DISC1: variants seen among roughly 807,000 people sequenced by gnomAD.
DISC1 encodes the protein DISC1 scaffold protein.
Under a neutral mutation model 84.5 loss-of-function variants are expected in DISC1, and 57 were observed. That is an observed-to-expected ratio of 0.67 (90% CI 0.55 to 0.84). The LOEUF (loss-of-function observed/expected upper bound fraction) is 0.84. Ranked by LOEUF, DISC1 falls within the 40% of genes least tolerant of loss-of-function variation. The probability of loss-of-function intolerance (pLI) is 0.00; values close to 1 mark genes in which losing one functional copy is unlikely to be tolerated. For missense variants in DISC1, 1,000 were observed against 1,057.8 expected (o/e 0.95, Z 0.76); for synonymous variants, 411 against 415.2 (o/e 0.99, Z 0.12).
At chr1:231,702,459 T>C in intron 3 of DISC1, 1 of 987,212 alleles carries the variant, frequency 1.0e-6, no homozygotes, top group Non-Finnish European at 1.2e-6. Flanking sequence ...CATGGGGCTC[T>C]CTGACTTCAT....
At chr1:231,912,742 CTTCTTTCTTTCT>C (rs72513675) in intron 9 of DISC1, among the ~76,000 whole-genome samples, 26,016 of 132,120 alleles carry the variant, frequency 0.2, 2,496 homozygotes, top group African/African-American at 0.22. Context: ...GCAGCTTGCT[CTTCTTTCTTTCT>C]TTCTTTCTTT....
intron 8 of DISC1, among the ~76,000 whole-genome samples, chr1:231,804,466 T>TC (rs1180708827): frequency 6.6e-6 from 1 of 152,024 alleles, no homozygotes; most frequent in African/African-American, 2.4e-5. Flanking sequence ...CTTCCTTTTT[T>TC]TTTTTTTTTG....
chr1:231,735,430 G>T (rs2072354259), intron 3 of DISC1, among the ~76,000 whole-genome samples: 1 of 152,138 alleles, frequency 6.6e-6, no homozygotes, highest in Non-Finnish European at 1.5e-5. Context: ...GGTGGACGTG[G>T]TGGAAAATGA....
chr1:231,639,008 C>T (rs1286419005), intron 1 of DISC1, among the ~76,000 whole-genome samples: 1 of 152,160 alleles, frequency 6.6e-6, no homozygotes, highest in African/African-American at 2.4e-5. Context: ...TAAAGACTTA[C>T]TGAATTGGGT....
intron 9 of DISC1, chr1:231,819,021 G>T (rs2081293973): frequency 4.0e-6 from 4 of 993,918 alleles, no homozygotes; most frequent in Non-Finnish European, 4.8e-6. Flanking sequence ...CAAAGTGTCT[G>T]CTTGTCAGAG....
At chr1:231,953,732 A>G (rs1165739027) in intron 9 of DISC1, among the ~76,000 whole-genome samples, 1 of 152,182 alleles carries the variant, frequency 6.6e-6, no homozygotes, top group African/African-American at 2.4e-5. Context: ...TAATTTAGAA[A>G]ATTCCAATAA....
At position 231,694,106 on chromosome 1, in the gene DISC1, G is replaced by A. The variant is rs189101828; in HGVS notation, c.348G>A (p.Ala116=). 249 of 1,614,166 alleles carry A rather than the reference G, an allele frequency of 1.5e-4. No individual in the cohort carries two copies. Among genetic ancestry groups the A allele is most frequent in the Non-Finnish European group, 2.0e-4 (231 of 1,180,024 alleles). Residue 116 remains alanine (A), a synonymous_variant, in exon 2 of 13, where the codon GCG becomes GCA. Transcript: ENST00000439617. ...TGACCTCTGTGAGAGGAACCTCGGC[G>A]CACTTTGGGATTCAGCTCAGAGGTG... is the stretch of plus-strand genomic sequence containing the variant. ...PTVTSVRGTS[A]HFGIQLRGGT... is the part of the protein sequence containing the mutation.
intron 9 of DISC1, among the ~76,000 whole-genome samples, chr1:231,871,764 G>C (rs993028841): frequency 6.6e-6 from 1 of 152,174 alleles, no homozygotes; most frequent in Non-Finnish European, 1.5e-5. Flanking sequence ...GGGTGCATGC[G>C]TGTGGTATGT....
intron 10 of DISC1, chr1:231,959,105 G>A: frequency 7.8e-7 from 1 of 1,278,874 alleles, no homozygotes; most frequent in Non-Finnish European, 9.8e-7. Context: ...GTTTAAAAGT[G>A]TCTTGGAGAG....
At chr1:231,685,824 C>T (rs1287002616) in intron 1 of DISC1, among the ~76,000 whole-genome samples, 1 of 152,126 alleles carries the variant, frequency 6.6e-6, no homozygotes, top group African/African-American at 2.4e-5. Flanking sequence ...CCCATCTGCC[C>T]ATGAGCCTGT....
At chr1:231,635,468 C>T (rs937026747) in intron 1 of DISC1, among the ~76,000 whole-genome samples, 1 of 152,098 alleles carries the variant, frequency 6.6e-6, no homozygotes, top group Non-Finnish European at 1.5e-5. Flanking sequence ...CTGGAATCGT[C>T]TGCTCTCTCC....
At chr1:231,794,094 T>C (rs1472174650) in intron 6 of DISC1, among the ~76,000 whole-genome samples, 1 of 152,150 alleles carries the variant, frequency 6.6e-6, no homozygotes, top group African/African-American at 2.4e-5. Context: ...CCTAACTAAC[T>C]AAATAAGCAA....
chr1:232,010,664 T>C (rs1472418048), intron 11 of DISC1, among the ~76,000 whole-genome samples: 6 of 152,204 alleles, frequency 3.9e-5, no homozygotes, highest in Non-Finnish European at 8.8e-5. Context: ...CACAGGAGCC[T>C]GCAAAAATGA....
chr1:231,930,046 A>G (rs1173423422), intron 9 of DISC1, among the ~76,000 whole-genome samples: 1 of 152,218 alleles, frequency 6.6e-6, no homozygotes, highest in Non-Finnish European at 1.5e-5. Flanking sequence ...GATGGCCCGA[A>G]AACCCCTGGG....
At chr1:232,029,004 C>T (rs1187641686) in intron 12 of DISC1, among the ~76,000 whole-genome samples, 2 of 152,170 alleles carry the variant, frequency 1.3e-5, no homozygotes, top group Admixed American at 6.5e-5. Context: ...CAGCCACAAG[C>T]CCCATGGTCC....
Position 232,031,510 on chromosome 1 carries a change from G to A in DISC1, c.2425+4958G>A, listed in dbSNP as rs540910770. ...AAGGAAAGAAAGAAAGGAAAGGAAAGGAAAGAAAGAAAAGGAAAGGAAAGA... is the reference window on the plus strand; with the variant it reads ...AAGGAAAGAAAGAAAGGAAAGGAAAAGAAAGAAAGAAAAGGAAAGGAAAGA... On this transcript the variant is annotated intron_variant, in intron 12 of 12. Coordinates refer to ENST00000439617, the MANE Select transcript of DISC1 (RefSeq NM_018662.3). This position sits in a 1 kb window ranked among gnomAD's most constrained non-coding sequence, Gnocchi z 4.6. 1.3e-5 allele frequency among the ~76,000 whole-genome samples: 2 copies of A among 149,960 alleles called. No homozygotes were observed. The highest frequency in any genetic ancestry group is 3.9e-4 in the East Asian group (2 of 5,082).
chr1:232,000,444 G>A (rs72762356), intron 10 of DISC1, among the ~76,000 whole-genome samples: 7,739 of 152,140 alleles, frequency 0.051, 303 homozygotes, highest in East Asian at 0.21. Flanking sequence ...AGAGCCTCTG[G>A]GCTCTGTGGG....
intron 1 of DISC1, among the ~76,000 whole-genome samples, chr1:231,687,733 A>C (rs1390859611): frequency 6.6e-6 from 1 of 152,190 alleles, no homozygotes; most frequent in Non-Finnish European, 1.5e-5. Flanking sequence ...TTAATAATGA[A>C]TAAATCTAGA....
chr1:231,952,090 C>CAAAAAAAAAAAAAAAAAAAA (rs11392611), intron 9 of DISC1, among the ~76,000 whole-genome samples: 31 of 54,144 alleles, frequency 5.7e-4, no homozygotes, highest in Non-Finnish European at 7.6e-4. Flanking sequence ...CTCAATGTCT[C>CAAAAAAAAAAAAAAAAAAAA]AAAAAAAAAA....
Sources: gnomAD v4.1 joint callset for allele counts (sites outside exome capture counted in the v4.1 genomes callset) on GRCh38, gnomAD v4.1.1 for gene constraint, Gnocchi (gnomAD v3.1) non-coding constraint, MANE v1.5 for transcripts, NCBI Gene and HGNC (gene_info 2026-07-23, HGNC 2026-07-21) for gene names.